The following TRPS1 variants were observed in gnomAD, a reference collection of about 807,000 sequenced individuals.
TRPS1 encodes the protein zinc finger transcription factor Trps1.
A neutral mutation model predicts 101.2 loss-of-function variants in TRPS1; 6 were observed. The ratio of observed to expected loss-of-function variants is 0.06; its 90% CI spans 0.03 to 0.12. The LOEUF (loss-of-function observed/expected upper bound fraction) is 0.12. Among genes scored for constraint, TRPS1 ranks in the 10% least tolerant of loss-of-function variants. The pLI is 1.00. For missense variants in TRPS1, 1,363 were observed against 1,567.0 expected, an observed-to-expected ratio of 0.87 and a Z score of 2.20; for synonymous variants, 578 against 589.8, an observed-to-expected ratio of 0.98 and a Z score of 0.29.
intron 5 of TRPS1, among the ~76,000 whole-genome samples, chr8:115,543,650 T>C (rs1816505502): frequency 6.6e-6 from 1 of 152,132 alleles, no homozygotes; most frequent in Non-Finnish European, 1.5e-5. Flanking sequence ...ACTTTAGCGA[T>C]TTGTTTAAGC....
chr8:115,644,694 CT>C, intron 1 of TRPS1, among the ~76,000 whole-genome samples: 1 of 152,212 alleles, frequency 6.6e-6, no homozygotes, highest in Admixed American at 6.5e-5. Flanking sequence ...TGGCTTCTCT[CT>C]TTTTCAGCAT....
intron 5 of TRPS1, among the ~76,000 whole-genome samples, chr8:115,576,382 G>C (rs1290978213): frequency 6.6e-6 from 1 of 151,868 alleles, no homozygotes. Context: ...AAGTTGCCTC[G>C]GGTATCAATT....
intron 5 of TRPS1, among the ~76,000 whole-genome samples, chr8:115,506,478 AG>A (rs1815447028): frequency 1.3e-5 from 2 of 152,082 alleles, no homozygotes; most frequent in African/African-American, 4.8e-5. Context: ...CATTATAGAA[AG>A]GCTTAGTTAT....
intron 4 of TRPS1, among the ~76,000 whole-genome samples, chr8:115,593,355 T>A (rs1817719567): frequency 6.6e-6 from 1 of 152,200 alleles, no homozygotes. Flanking sequence ...CACCCCATTT[T>A]GCAGATAAAG....
chr8:115,573,318 G>A (rs575274073), intron 5 of TRPS1, among the ~76,000 whole-genome samples: 3 of 152,160 alleles, frequency 2.0e-5, no homozygotes, highest in Admixed American at 6.5e-5. Flanking sequence ...GTTATAATGA[G>A]GATTAAGTAA....
At chr8:115,478,574 C>A (rs1814663847) in intron 5 of TRPS1, among the ~76,000 whole-genome samples, 1 of 151,968 alleles carries the variant, frequency 6.6e-6, no homozygotes, top group Non-Finnish European at 1.5e-5. Context: ...GAGGTCGAGG[C>A]AGGTGGATCA....
chr8:115,503,646 A>G (rs1260681592), intron 5 of TRPS1, among the ~76,000 whole-genome samples: 1 of 152,208 alleles, frequency 6.6e-6, no homozygotes, highest in Admixed American at 6.5e-5. Context: ...ACTTTGGAAA[A>G]ATTATAATGA....
chr8:115,640,863 T>C (rs777165575), intron 1 of TRPS1, among the ~76,000 whole-genome samples: 1 of 152,160 alleles, frequency 6.6e-6, no homozygotes, highest in Non-Finnish European at 1.5e-5. Flanking sequence ...CACTCTCCCT[T>C]ATATAACAGG....
chr8:115,491,366 G>A (rs1019745862), intron 5 of TRPS1, among the ~76,000 whole-genome samples: 5 of 152,174 alleles, frequency 3.3e-5, no homozygotes, highest in African/African-American at 1.2e-4. Flanking sequence ...TGTACAGGGT[G>A]TTAGCGCATT....
intron 4 of TRPS1, among the ~76,000 whole-genome samples, chr8:115,590,053 G>T (rs929705948): frequency 6.6e-6 from 1 of 152,062 alleles, no homozygotes; most frequent in Non-Finnish European, 1.5e-5. Flanking sequence ...GGAGGCGGAG[G>T]TTGCAGTGAG....
chr8:115,486,347 A>G (rs1156751632), intron 5 of TRPS1, among the ~76,000 whole-genome samples: 1 of 152,132 alleles, frequency 6.6e-6, no homozygotes, highest in Admixed American at 6.5e-5. Context: ...TCCCTCTCCA[A>G]GGGTCTCCCT....
chr8:115,581,663 C>T (rs934387251), intron 5 of TRPS1, among the ~76,000 whole-genome samples: 4 of 152,058 alleles, frequency 2.6e-5, no homozygotes, highest in Admixed American at 2.0e-4. Context: ...GAATATGGAA[C>T]GAATTTGACA....
At chr8:115,531,216 T>A (rs1203275099) in intron 5 of TRPS1, among the ~76,000 whole-genome samples, 3 of 152,122 alleles carry the variant, frequency 2.0e-5, no homozygotes, top group Non-Finnish European at 1.5e-5. Flanking sequence ...CTGAGAAATT[T>A]TGAGAAGGAA....
At position 115,619,444 on chromosome 8, in the gene TRPS1, C is replaced by A. The variant is rs886228404; in HGVS notation, c.654G>T (p.Leu218=). 7 of 1,614,094 alleles carry A rather than the reference C, an allele frequency of 4.3e-6. No individual in the cohort carries two copies. Among genetic ancestry groups the A allele is most frequent in the Admixed American group, 1.7e-5 (1 of 60,006 alleles). Residue 218 remains leucine, a synonymous_variant, in exon 3 of 7, where the codon CTG becomes CTT. Transcript: ENST00000395715. The part of the protein sequence containing the change: ...VRLNKSKTDL[L]VNDNPDPAPL... ...GTGCCGGGTCTGGGTTGTCATTCAC[C>A]AGTAAGTCAGTTTTGGATTTATTCA...
intron 5 of TRPS1, chr8:115,492,224 T>C (rs1393815816): frequency 8.8e-6 from 4 of 456,186 alleles, no homozygotes; most frequent in South Asian, 6.2e-5. Context: ...TGCTCTTGGT[T>C]GGAAGCTTTG....
At chr8:115,572,861 C>T (rs183316201) in intron 5 of TRPS1, among the ~76,000 whole-genome samples, 8 of 152,130 alleles carry the variant, frequency 5.3e-5, no homozygotes, top group East Asian at 1.9e-4. Flanking sequence ...CGCCAGACTC[C>T]GTGGCTCACG....
At chr8:115,493,219 A>T (rs1292386606) in intron 5 of TRPS1, among the ~76,000 whole-genome samples, 2 of 152,168 alleles carry the variant, frequency 1.3e-5, no homozygotes, top group African/African-American at 2.4e-5. Context: ...CTATCACCAT[A>T]ATAAGCCACT....
intron 5 of TRPS1, among the ~76,000 whole-genome samples, chr8:115,488,499 G>A (rs956738408): frequency 7.2e-5 from 11 of 151,914 alleles, no homozygotes; most frequent in African/African-American, 2.7e-4. Flanking sequence ...GACCATCCTG[G>A]CCAACATGGT....
intron 5 of TRPS1, among the ~76,000 whole-genome samples, chr8:115,571,241 GATT>G (rs1307692712): frequency 6.6e-6 from 1 of 152,148 alleles, no homozygotes; most frequent in Non-Finnish European, 1.5e-5. Flanking sequence ...CTTTTAAAAT[GATT>G]ATAATACATC....
Sources: allele counts gnomAD v4.1 joint callset (sites outside exome capture counted in the v4.1 genomes callset), GRCh38; gene constraint gnomAD v4.1.1; transcripts MANE v1.5; gene names NCBI Gene and HGNC (gene_info 2026-07-23, HGNC 2026-07-21).